Variants in CLASP2 observed in about 807,000 individuals in gnomAD.
The protein encoded by CLASP2 is cytoplasmic linker associated protein 2, also known as CLIP-associating protein 2.
A neutral mutation model predicts 194.4 loss-of-function variants in CLASP2; 47 were observed. The ratio of observed to expected loss-of-function variants is 0.24; its 90% CI spans 0.19 to 0.31. CLASP2 has a LOEUF of 0.31. Ranked by LOEUF, CLASP2 falls within the 10% of genes least tolerant of loss-of-function variation. The pLI, the probability that CLASP2 is intolerant of heterozygous loss-of-function variation, is 1.00. For missense variants in CLASP2, 1,445 were observed against 1,823.6 expected (o/e 0.79, Z 3.78); for synonymous variants, 619 against 633.5 (o/e 0.98, Z 0.34).
intron 9 of CLASP2, 78 bp from the exon 10 acceptor site, chr3:33,627,158 A>G (rs2078193262): frequency 1.2e-6 from 1 of 811,924 alleles, no homozygotes; most frequent in Non-Finnish European, 2.1e-6. Context: ...TGTTTAAAAT[A>G]ATCTTTCACC....
At chr3:33,580,555 T>C (rs555935970) in intron 23 of CLASP2, among the ~76,000 whole-genome samples, 1 of 151,722 alleles carries the variant, frequency 6.6e-6, no homozygotes, top group East Asian at 2.0e-4. Flanking sequence ...AGAGTGAGAC[T>C]CCACCTCAAA....
intron 1 of CLASP2, among the ~76,000 whole-genome samples, 189 bp downstream of exon 1, chr3:33,717,619 G>A (rs373212003): frequency 6.6e-6 from 1 of 152,098 alleles, no homozygotes; most frequent in Non-Finnish European, 1.5e-5. Flanking sequence ...TAGAGACGGG[G>A]TTGCACCATG....
rs139589183 is a variant in CLASP2 at position 33,527,979 on chromosome 3, C to A, written c.3787+7254G>T. On this transcript the variant is annotated intron_variant, in intron 34 of 38. Coordinates refer to ENST00000682230, the MANE Select transcript of CLASP2 (RefSeq NM_001365631.1). ...CTGTCTCAAAACAAAACAAAAAAAA[C>A]CACAACAACAAAAAAGAAAACTTCA... is the stretch of plus-strand genomic sequence containing the variant. Among the ~76,000 whole-genome samples the A allele has an allele frequency of 1.9e-3, 292 of 151,648 alleles. 1 individual carries two copies. Among genetic ancestry groups the A allele is most frequent in the African/African-American group, 6.2e-3 (255 of 41,382 alleles).
At chr3:33,503,328 T>C (rs1329817042) in intron 37 of CLASP2, 2 of 152,230 alleles carry the variant, frequency 1.3e-5, no homozygotes, top group African/African-American at 4.8e-5. Flanking sequence ...TGAACATTCA[T>C]GTATAACTAT....
chr3:33,513,968 A>G (rs1290969147), intron 36 of CLASP2, among the ~76,000 whole-genome samples: 1 of 152,118 alleles, frequency 6.6e-6, no homozygotes, highest in African/African-American at 2.4e-5. Context: ...TGAAGGACAG[A>G]AAAGATTTCC....
At chr3:33,554,098 G>A (rs1470083643) in intron 29 of CLASP2, among the ~76,000 whole-genome samples, 4 of 151,806 alleles carry the variant, frequency 2.6e-5, no homozygotes, top group African/African-American at 7.3e-5. Flanking sequence ...CGTGGTGGTG[G>A]GCGCCTGTAA....
rs531855976 is a variant in CLASP2, at chr3:33,578,454, A to G, written c.2348-2179T>C. Among the ~76,000 whole-genome samples the G allele has an allele frequency of 8.7e-4, 132 of 152,322 alleles. 1 individual carries two copies. Among genetic ancestry groups the G allele is most frequent in the African/African-American group, 3.0e-3 (125 of 41,574 alleles). On this transcript the variant is annotated intron_variant, in intron 23 of 38. Transcript: ENST00000682230. The stretch of plus-strand genomic sequence containing the variant: ...ATAAAATACATTACTTTAATTTAGA[A>G]AGTTATTCTTCCTCAGATATATTAG...
At chr3:33,619,159 T>C (rs2076703955) in intron 12 of CLASP2, among the ~76,000 whole-genome samples, 2 of 152,134 alleles carry the variant, frequency 1.3e-5, no homozygotes, top group Admixed American at 6.5e-5. Flanking sequence ...AGTAGTAAAG[T>C]AGTAAAGGTA....
intron 21 of CLASP2, among the ~76,000 whole-genome samples, chr3:33,587,164 C>T (rs778737621): frequency 1.3e-5 from 2 of 151,066 alleles, no homozygotes; most frequent in Non-Finnish European, 2.9e-5. Context: ...CTTGCTCTGT[C>T]GCCCAGGCTG....
chr3:33,545,932 T>G (rs2059092670), intron 30 of CLASP2, among the ~76,000 whole-genome samples: 1 of 151,558 alleles, frequency 6.6e-6, no homozygotes, highest in Non-Finnish European at 1.5e-5. Flanking sequence ...AAGAGTGTTA[T>G]GAGCACATTT....
At chr3:33,700,572 G>A (rs1187529700) in intron 1 of CLASP2, among the ~76,000 whole-genome samples, 1 of 151,750 alleles carries the variant, frequency 6.6e-6, no homozygotes, top group African/African-American at 2.4e-5. Flanking sequence ...TGGGCCAGGT[G>A]CGGTGGCTCA....
intron 27 of CLASP2, among the ~76,000 whole-genome samples, chr3:33,563,130 T>C (rs904413153): frequency 1.3e-5 from 2 of 152,208 alleles, no homozygotes; most frequent in Admixed American, 6.5e-5. Flanking sequence ...CCGAAATCCT[T>C]TGCTTACAGA....
At chr3:33,649,079 C>G (rs1375627749) in intron 7 of CLASP2, among the ~76,000 whole-genome samples, 1 of 151,054 alleles carries the variant, frequency 6.6e-6, no homozygotes. Flanking sequence ...AATCCCCCCA[C>G]CAGCCTAGCC....
intron 2 of CLASP2, among the ~76,000 whole-genome samples, chr3:33,690,564 G>A (rs1010687618): frequency 6.6e-6 from 1 of 152,096 alleles, no homozygotes; most frequent in African/African-American, 2.4e-5. Flanking sequence ...TTTCTCTTTT[G>A]ATATTACAGC....
In CLASP2 at chr3:33,497,204, C is replaced by G. The variant is rs1217670370; in HGVS notation, c.*1427G>C. 6.6e-6 allele frequency: 1 copy of G among 152,422 alleles called. No homozygotes were observed. The highest frequency in any genetic ancestry group is 3.2e-3 in the Middle Eastern group (1 of 316). The allele number at this position is 152,422 out of a possible 1,614,324, so 9.4% of individuals were successfully genotyped here. ...CCATTCAGTACTCTTGTCTTAAATTCTTTACATATATTTCTACATTTTTTT... is the reference window on the plus strand; with the variant it reads ...CCATTCAGTACTCTTGTCTTAAATTGTTTACATATATTTCTACATTTTTTT... On this transcript the variant is annotated 3_prime_UTR_variant, in exon 39 of 39. Transcript: ENST00000682230.
At chr3:33,594,620 CAAACAT>C (rs2069731578) in intron 20 of CLASP2, among the ~76,000 whole-genome samples, 1 of 151,300 alleles carries the variant, frequency 6.6e-6, no homozygotes, top group South Asian at 2.1e-4. Flanking sequence ...AACAAAAACA[CAAACAT>C]GTAAGAAAAG....
Position 33,560,981 on chromosome 3 carries a change from A to G in CLASP2, c.2767-10T>C. ...AAAACATGCTGAATACCTACAGTTG[A>G]TAAAGGGGAGAGGTAGGGAGAAAAA... On this transcript the variant is annotated splice_polypyrimidine_tract_variant and intron_variant, in intron 27 of 38. Coordinates refer to ENST00000682230, the MANE Select transcript of CLASP2 (RefSeq NM_001365631.1). The G allele has an allele frequency of 7.4e-6, 12 of 1,612,120 alleles. No individual in the cohort carries two copies. The highest frequency in any genetic ancestry group is 1.0e-5 in the Non-Finnish European group (12 of 1,178,560).
At chr3:33,714,031 C>T (rs1438547776) in intron 1 of CLASP2, among the ~76,000 whole-genome samples, 1 of 152,064 alleles carries the variant, frequency 6.6e-6, no homozygotes, top group African/African-American at 2.4e-5. Context: ...GGTCTATGGC[C>T]TAAAGCAATA....
At chr3:33,519,686 CT>C (rs1265577621) in intron 34 of CLASP2, among the ~76,000 whole-genome samples, 4 of 152,100 alleles carry the variant, frequency 2.6e-5, no homozygotes, top group African/African-American at 4.8e-5. Context: ...GGGACTACTA[CT>C]GCTTTAGTTT....
Sources: gnomAD v4.1 joint callset for allele counts (sites outside exome capture counted in the v4.1 genomes callset) on GRCh38, gnomAD v4.1.1 for gene constraint, MANE v1.5 for transcripts, NCBI Gene and HGNC (gene_info 2026-07-23, HGNC 2026-07-21) for gene names.